LRRTM4: variants seen among roughly 807,000 people sequenced by gnomAD.
LRRTM4 encodes leucine rich repeat transmembrane neuronal 4, also known as leucine-rich repeat transmembrane neuronal protein 4.
Under a neutral mutation model 47.6 loss-of-function variants are expected in LRRTM4, and 25 were observed. The observed-to-expected ratio is 0.53, with a 90% CI of 0.38 to 0.73. The LOEUF is 0.73. Ranked by LOEUF, LRRTM4 falls within the 30% of genes least tolerant of loss-of-function variation. LRRTM4 has a pLI of 0.00. For synonymous variants in LRRTM4, 311 were observed against 269.5 expected (o/e 1.15, Z -1.51); for missense variants, 638 against 713.4 (o/e 0.89, Z 1.20).
intron 3 of LRRTM4, among the ~76,000 whole-genome samples, chr2:77,372,728 C>T (rs1672696379): frequency 6.6e-6 from 1 of 151,564 alleles, no homozygotes. Flanking sequence ...TTGCTATAAG[C>T]CTCTATTTCA....
chr2:76,911,190 G>A (rs537896669), intron 3 of LRRTM4, among the ~76,000 whole-genome samples: 29 of 152,154 alleles, frequency 1.9e-4, no homozygotes, highest in Non-Finnish European at 4.3e-4. Context: ...GGCAGGTACC[G>A]AGTTTGAAAA....
chr2:77,078,241 C>A (rs527706909), intron 3 of LRRTM4, among the ~76,000 whole-genome samples: 3 of 152,146 alleles, frequency 2.0e-5, no homozygotes, highest in South Asian at 2.1e-4. Flanking sequence ...CTAACAATAA[C>A]TGGCAATGTT....
At chr2:76,807,471 C>CCT (rs1553412707) in intron 3 of LRRTM4, among the ~76,000 whole-genome samples, 1 of 97,482 alleles carries the variant, frequency 1.0e-5, no homozygotes, top group Non-Finnish European at 1.9e-5. Flanking sequence ...TATATATATA[C>CCT]ATATATATAT....
At chr2:77,031,124 T>C (rs1434884445) in intron 3 of LRRTM4, among the ~76,000 whole-genome samples, 1 of 152,168 alleles carries the variant, frequency 6.6e-6, no homozygotes, top group Admixed American at 6.5e-5. Context: ...TTTACAGATA[T>C]TATAATTTTT....
rs571561005 is a variant in LRRTM4, at chr2:76,783,897, A to G, written c.1552-34981T>C. 2.0e-5 allele frequency among the ~76,000 whole-genome samples: 3 copies of G among 152,298 alleles called. No individual in the cohort carries two copies. The East Asian group carries it at 5.8e-4, about 29-fold the overall frequency. ...AAGAATGTGTATGATTTGACAGTATAAAATACTCATAATAAAACTGCTTGG... is the reference window on the plus strand; with the variant it reads ...AAGAATGTGTATGATTTGACAGTATGAAATACTCATAATAAAACTGCTTGG... On this transcript the variant is annotated intron_variant, in intron 3 of 3. Transcript: ENST00000409884.
chr2:77,079,014 A>T (rs929125251), intron 3 of LRRTM4, among the ~76,000 whole-genome samples: 1 of 152,168 alleles, frequency 6.6e-6, no homozygotes, highest in Non-Finnish European at 1.5e-5. Context: ...ATGCATTCAT[A>T]TAAGGACTAA....
At chr2:77,383,930 A>G (rs1449230464) in intron 3 of LRRTM4, among the ~76,000 whole-genome samples, 1 of 152,182 alleles carries the variant, frequency 6.6e-6, no homozygotes, top group Non-Finnish European at 1.5e-5. Flanking sequence ...AGGTAAGAGA[A>G]CCACTACACT....
intron 3 of LRRTM4, among the ~76,000 whole-genome samples, chr2:76,775,690 A>G (rs1673940840): frequency 6.6e-6 from 1 of 152,172 alleles, no homozygotes. Flanking sequence ...CATTTGCACG[A>G]AACAGTGGAG....
intron 3 of LRRTM4, among the ~76,000 whole-genome samples, chr2:77,200,284 C>T (rs1673937494): frequency 1.3e-5 from 2 of 152,082 alleles, no homozygotes; most frequent in East Asian, 3.9e-4. Context: ...TTGAAAGAAA[C>T]ATAATAAAAT....
chr2:76,954,401 A>G (rs1455927730), intron 3 of LRRTM4, among the ~76,000 whole-genome samples: 1 of 151,858 alleles, frequency 6.6e-6, no homozygotes, highest in East Asian at 1.9e-4. Flanking sequence ...TGAAGAATAC[A>G]ATGACCGAAT....
Position 76,777,235 on chromosome 2 carries a change from C to G in LRRTM4, c.1552-28319G>C, listed in dbSNP as rs371238479. ...TCTTTTGGCTTAGGATTGACTTGGCCATGCGGGCTCTTTTTTGGTTCCATA... is the reference window on the plus strand; with the variant it reads ...TCTTTTGGCTTAGGATTGACTTGGCGATGCGGGCTCTTTTTTGGTTCCATA... On this transcript the variant is annotated intron_variant, in intron 3 of 3. Coordinates refer to ENST00000409884, the MANE Select transcript of LRRTM4 (RefSeq NM_001134745.3). 1.5e-3 allele frequency among the ~76,000 whole-genome samples: 230 copies of G among 150,120 alleles called. 6 individuals carry two copies. Among genetic ancestry groups the G allele is most frequent in the East Asian group, 9.7e-3 (48 of 4,928 alleles).
chr2:76,990,627 T>C (rs1380085744), intron 3 of LRRTM4, among the ~76,000 whole-genome samples: 1 of 151,554 alleles, frequency 6.6e-6, no homozygotes, highest in Non-Finnish European at 1.5e-5. Flanking sequence ...GCACTCAACA[T>C]TGGAGCACAC....
At chr2:77,233,561 G>A (rs1038981901) in intron 3 of LRRTM4, among the ~76,000 whole-genome samples, 1 of 151,958 alleles carries the variant, frequency 6.6e-6, no homozygotes, top group Non-Finnish European at 1.5e-5. Flanking sequence ...ACATATGAAG[G>A]TTTATATTTC....
At chr2:76,798,001 C>G (rs1367690124) in intron 3 of LRRTM4, among the ~76,000 whole-genome samples, 1 of 132,664 alleles carries the variant, frequency 7.5e-6, no homozygotes, top group Non-Finnish European at 1.7e-5. Flanking sequence ...ACTTAGACTC[C>G]CACACATTAA....
chr2:76,797,801 G>A (rs1189714368), intron 3 of LRRTM4, among the ~76,000 whole-genome samples: 1 of 150,466 alleles, frequency 6.6e-6, no homozygotes, highest in Non-Finnish European at 1.5e-5. Context: ...ACAAAAAAAG[G>A]CAGGGGTTGC....
intron 3 of LRRTM4, among the ~76,000 whole-genome samples, chr2:77,442,274 T>C (rs1393409268): frequency 6.6e-6 from 1 of 152,206 alleles, no homozygotes; most frequent in Non-Finnish European, 1.5e-5. Context: ...TGGTGAAATC[T>C]ACCACATTCA....
chr2:77,091,127 T>G (rs1670622037), intron 3 of LRRTM4, among the ~76,000 whole-genome samples: 1 of 151,922 alleles, frequency 6.6e-6, no homozygotes, highest in African/African-American at 2.4e-5. Flanking sequence ...CCAGTTCCCT[T>G]ATTAGGCTGA....
intron 3 of LRRTM4, among the ~76,000 whole-genome samples, chr2:77,037,397 G>A (rs1678872912): frequency 1.3e-5 from 2 of 151,544 alleles, no homozygotes; most frequent in African/African-American, 4.8e-5. Context: ...AATCTCTGTG[G>A]GTCACTATAG....
At chr2:76,780,147 G>T (rs1674284865) in intron 3 of LRRTM4, among the ~76,000 whole-genome samples, 1 of 152,154 alleles carries the variant, frequency 6.6e-6, no homozygotes, top group Non-Finnish European at 1.5e-5. Flanking sequence ...AGTCTGATGG[G>T]CTTCCCTTTG....
Sources: allele counts gnomAD v4.1 joint callset (sites outside exome capture counted in the v4.1 genomes callset), GRCh38; gene constraint gnomAD v4.1.1; transcripts MANE v1.5; gene names NCBI Gene and HGNC (gene_info 2026-07-23, HGNC 2026-07-21).